CLINT1: variants seen among roughly 807,000 people sequenced by gnomAD.
CLINT1 encodes clathrin interacting protein localized in the trans-Golgi region.
Under a neutral mutation model 70.4 loss-of-function variants are expected in CLINT1, and 15 were observed. The observed-to-expected ratio is 0.21, with a 90% CI of 0.14 to 0.33. The LOEUF (loss-of-function observed/expected upper bound fraction) is 0.33, where lower values mean the gene tolerates loss of function less well. CLINT1 is among the 10% of genes least tolerant of loss of function. CLINT1 has a pLI of 1.00. For missense variants in CLINT1, 615 were observed against 778.1 expected (o/e 0.79, Z 2.49); for synonymous variants, 227 against 254.7 (o/e 0.89, Z 1.04).
intron 1 of CLINT1, among the ~76,000 whole-genome samples, chr5:157,846,746 T>A (rs1330248963): frequency 1.3e-5 from 2 of 152,222 alleles, no homozygotes; most frequent in African/African-American, 4.8e-5. Flanking sequence ...GAATCTCTTC[T>A]CATGGGCTAA....
chr5:157,815,120 TACACACACACAC>T (rs150242169), intron 3 of CLINT1, among the ~76,000 whole-genome samples: 3 of 142,114 alleles, frequency 2.1e-5, no homozygotes, highest in African/African-American at 5.1e-5. Context: ...TCTTCACACA[TACACACACACAC>T]ACACACACAC....
At chr5:157,816,291 C>T (rs1036037803) in intron 3 of CLINT1, among the ~76,000 whole-genome samples, 2 of 152,024 alleles carry the variant, frequency 1.3e-5, no homozygotes, top group African/African-American at 4.8e-5. Context: ...ATAAAAAGTT[C>T]GTATTCATAA....
chr5:157,832,369 T>C (rs538803747), intron 1 of CLINT1, among the ~76,000 whole-genome samples: 29 of 152,358 alleles, frequency 1.9e-4, no homozygotes, highest in African/African-American at 6.5e-4. Context: ...GTAGTTTCAC[T>C]ACTTTTTGTC....
chr5:157,838,114 G>GTT (rs1490058552), intron 1 of CLINT1, among the ~76,000 whole-genome samples: 2 of 135,426 alleles, frequency 1.5e-5, no homozygotes, highest in Non-Finnish European at 3.2e-5. Flanking sequence ...TTAAGTCAAG[G>GTT]TTTTTTTGTT....
chr5:157,843,442 A>C (rs1317412100), intron 1 of CLINT1, among the ~76,000 whole-genome samples: 1 of 152,216 alleles, frequency 6.6e-6, no homozygotes, highest in Non-Finnish European at 1.5e-5. Context: ...AGTTTGCATA[A>C]CTTACACAAT....
chr5:157,803,665 T>C lies in CLINT1; in HGVS notation c.997A>G (p.Thr333Ala). Residue 333 changes from threonine (T) to alanine (A), a missense_variant, in exon 8 of 12, where the codon ACC (threonine) becomes GCC (alanine). Thr to Ala is a moderately conservative substitution (Grantham distance 58). Coordinates refer to ENST00000411809, the MANE Select transcript of CLINT1 (RefSeq NM_014666.4). ...SGDLVDLFDG[T>A]SQSTGGSADL... Reference sequence around the variant, plus strand: ...AGAAGCTTACCTGTTGACTGGCTGGTGCCATCAAACAGATCAACAAGGTCA... The same window carrying C: ...AGAAGCTTACCTGTTGACTGGCTGGCGCCATCAAACAGATCAACAAGGTCA... 6.6e-7 allele frequency: 1 copy of C among 1,520,838 alleles called. No homozygotes were observed. The highest frequency in any genetic ancestry group is 8.9e-7 in the Non-Finnish European group (1 of 1,122,386). The allele number at this position is 1,520,838 out of a possible 1,614,324, so 94.2% of individuals were successfully genotyped here.
At chr5:157,842,530 G>A (rs1010219167) in intron 1 of CLINT1, among the ~76,000 whole-genome samples, 2 of 152,210 alleles carry the variant, frequency 1.3e-5, no homozygotes, top group African/African-American at 4.8e-5. Context: ...ATTTGGATAT[G>A]ATGGTAACAG....
chr5:157,804,984 G>A (rs1439060727), intron 7 of CLINT1, among the ~76,000 whole-genome samples: 1 of 152,054 alleles, frequency 6.6e-6, no homozygotes, highest in Non-Finnish European at 1.5e-5. Context: ...AATATTTATT[G>A]CAGAGTGTCA....
intron 5 of CLINT1, among the ~76,000 whole-genome samples, chr5:157,810,279 A>G (rs1762516062): frequency 6.6e-6 from 1 of 152,230 alleles, no homozygotes. Flanking sequence ...TCTGAATGCT[A>G]CATGTCCCAA....
intron 1 of CLINT1, among the ~76,000 whole-genome samples, chr5:157,845,756 G>A (rs1193897132): frequency 2.6e-5 from 4 of 151,890 alleles, no homozygotes; most frequent in African/African-American, 7.3e-5. Flanking sequence ...GGGTTTCACC[G>A]TGTTAGCCAG....
intron 1 of CLINT1, among the ~76,000 whole-genome samples, chr5:157,827,788 A>T (rs1763085959): frequency 6.6e-6 from 1 of 152,202 alleles, no homozygotes. Flanking sequence ...ATGAACCTAG[A>T]CCCCAGAAAC....
intron 8 of CLINT1, chr5:157,796,267 C>G (rs997897527): frequency 6.6e-6 from 1 of 152,088 alleles, no homozygotes; most frequent in East Asian, 1.9e-4. Flanking sequence ...TCTCTGTGTG[C>G]GTAACATTAC....
intron 1 of CLINT1, among the ~76,000 whole-genome samples, chr5:157,858,375 C>A (rs1296382220): frequency 6.6e-6 from 1 of 152,206 alleles, no homozygotes; most frequent in Non-Finnish European, 1.5e-5. Context: ...TTCAGGCTGA[C>A]CACAATAGCC....
At chr5:157,845,910 C>T (rs1401591825) in intron 1 of CLINT1, among the ~76,000 whole-genome samples, 1 of 152,100 alleles carries the variant, frequency 6.6e-6, no homozygotes, top group Non-Finnish European at 1.5e-5. Context: ...TCTGTTATAG[C>T]AGTCTGTGAT....
intron 4 of CLINT1, 128 bp from the exon 5 acceptor site, chr5:157,813,355 G>A: frequency 2.4e-6 from 2 of 848,040 alleles, no homozygotes; most frequent in Non-Finnish European, 1.7e-6. Flanking sequence ...ACAATAGAAA[G>A]GGGCAAGTTG....
intron 9 of CLINT1, among the ~76,000 whole-genome samples, chr5:157,792,627 G>A (rs1445041820): frequency 2.0e-5 from 3 of 152,170 alleles, no homozygotes; most frequent in Non-Finnish European, 2.9e-5. Context: ...CACATTGCCT[G>A]CTTCAACTGG....
chr5:157,804,140 T>TA (rs774627258), intron 7 of CLINT1, among the ~76,000 whole-genome samples: 4 of 151,978 alleles, frequency 2.6e-5, no homozygotes, highest in Non-Finnish European at 4.4e-5. Flanking sequence ...CTTGGCCTGT[T>TA]AAAGTCTTAC....
intron 1 of CLINT1, among the ~76,000 whole-genome samples, chr5:157,829,139 C>T (rs1283672431): frequency 6.6e-6 from 1 of 151,802 alleles, no homozygotes; most frequent in East Asian, 1.9e-4. Context: ...CAACAAAAAA[C>T]ACTAAAAAGA....
chr5:157,832,428 C>G (rs2113271050), intron 1 of CLINT1, among the ~76,000 whole-genome samples: 1 of 152,286 alleles, frequency 6.6e-6, no homozygotes, highest in East Asian at 1.9e-4. Context: ...AGGCTGCAAG[C>G]TGTCACTGGG....
Sources: allele counts gnomAD v4.1 joint callset (sites outside exome capture counted in the v4.1 genomes callset), GRCh38; gene constraint gnomAD v4.1.1; transcripts MANE v1.5; gene names NCBI Gene and HGNC (gene_info 2026-07-23, HGNC 2026-07-21).